The following RIN3 variants were observed in gnomAD, a reference collection of about 807,000 sequenced individuals.
The protein encoded by RIN3 is RAB5 interacting protein 3.
RIN3 carries 54 observed loss-of-function variants against 76.3 expected under a neutral mutation model. The ratio of observed to expected loss-of-function variants is 0.71; its 90% CI spans 0.57 to 0.89. The LOEUF (loss-of-function observed/expected upper bound fraction) is 0.89, where lower values mean the gene tolerates loss of function less well. Among genes scored for constraint, RIN3 ranks in the 40% least tolerant of loss-of-function variants. RIN3 has a pLI of 0.00. For synonymous variants in RIN3, 576 were observed against 564.0 expected, an observed-to-expected ratio of 1.02 and a Z score of -0.30; for missense variants, 1,256 against 1,322.1, an observed-to-expected ratio of 0.95 and a Z score of 0.78.
chr14:92,658,837 GT>G (rs767194709), intron 6 of RIN3, among the ~76,000 whole-genome samples: 2 of 152,212 alleles, frequency 1.3e-5, no homozygotes, highest in Non-Finnish European at 2.9e-5. Flanking sequence ...CAACTCCAGT[GT>G]GAGTAACACC....
intron 3 of RIN3, among the ~76,000 whole-genome samples, chr14:92,588,153 A>T (rs1396297067): frequency 6.8e-6 from 1 of 147,126 alleles, no homozygotes; most frequent in Admixed American, 6.8e-5. Context: ...TCATACCATC[A>T]TGTTGGCCAT....
chr14:92,567,834 T>C (rs538035467), intron 2 of RIN3, among the ~76,000 whole-genome samples: 2 of 152,190 alleles, frequency 1.3e-5, no homozygotes, highest in Non-Finnish European at 2.9e-5. Context: ...ATAGTTGTCA[T>C]TTATTTGTCT....
At chr14:92,554,353 G>C (rs1897519225) in intron 1 of RIN3, among the ~76,000 whole-genome samples, 2 of 152,148 alleles carry the variant, frequency 1.3e-5, no homozygotes, top group Admixed American at 6.5e-5. Flanking sequence ...AGTAGGCAGT[G>C]CTCATTTCCC....
At chr14:92,646,300 G>A (rs1413638530) in intron 5 of RIN3, among the ~76,000 whole-genome samples, 2 of 152,190 alleles carry the variant, frequency 1.3e-5, no homozygotes, top group African/African-American at 4.8e-5. Context: ...TTTTGCCAAG[G>A]AAGCCTGGAT....
Position 92,660,404 on chromosome 14 carries a change from T to C in RIN3, c.2335+935T>C, listed in dbSNP as rs1395445521. On this transcript the variant is annotated intron_variant, in intron 7 of 9. Transcript: ENST00000216487. ...TGGTTGGCTGTTGGCTGCTCTGGGA[T>C]GGCCTTGCCCACTTGCTGAGTGGTT... Among the ~76,000 whole-genome samples the C allele has an allele frequency of 8.6e-5, 13 of 151,370 alleles. No homozygotes were observed. The South Asian group carries it at 2.0e-3, about 23-fold the overall frequency.
intron 6 of RIN3, among the ~76,000 whole-genome samples, chr14:92,654,515 G>C (rs910441564): frequency 2.0e-5 from 3 of 152,144 alleles, no homozygotes; most frequent in Admixed American, 2.0e-4. Flanking sequence ...TAAAGGACAC[G>C]TGGGCCTCTG....
chr14:92,586,141 A>G (rs1010330375), intron 3 of RIN3, among the ~76,000 whole-genome samples: 1 of 152,226 alleles, frequency 6.6e-6, no homozygotes, highest in African/African-American at 2.4e-5. Context: ...GTGACTACTC[A>G]TAGGGGCTTG....
In RIN3 at chr14:92,652,416, C is replaced by G; in HGVS notation, c.1367C>G (p.Pro456Arg). The stretch of plus-strand genomic sequence containing the variant: ...GAGCTGCCCAGGACAGCCAAACAAC[C>G]CCCAGTCCCGCCCCCCAGGAAAAAA... ...MPELPRTAKQ[P>R]PVPPPRKKRI... is the part of the protein sequence containing the mutation. The change falls in exon 6 of 10, where the codon CCC becomes CGC. Residue 456 changes from proline (P) to arginine (R), a missense_variant. By Grantham distance (103) the Pro-to-Arg change is moderately radical. Around this residue, in one of 3 missense-constraint regions of RIN3, gnomAD observed 610 missense variants for 626.4 expected, o/e 0.97. Transcript: ENST00000216487. The surrounding 1 kb of genome is among the most constrained non-coding windows in gnomAD (Gnocchi z 6.4). The G allele has an allele frequency of 6.2e-7, 1 of 1,613,296 alleles. No individual in the cohort carries two copies.
At position 92,514,631 on chromosome 14, in the gene RIN3, G is replaced by A. The variant is rs1409816797; in HGVS notation, c.44+655G>A. ...AGGGCGCACGGGCTGCGCGCGGGCT[G>A]TGGATGCATGACGCCGAATGGTTTG... is the stretch of plus-strand genomic sequence containing the variant. On this transcript the variant is annotated intron_variant, in intron 1 of 9. Coordinates refer to ENST00000216487, the MANE Select transcript of RIN3 (RefSeq NM_024832.5). This position sits in a 1 kb window ranked among gnomAD's most constrained non-coding sequence, Gnocchi z 7.2. Among the ~76,000 whole-genome samples the A allele has an allele frequency of 6.6e-6, 1 of 152,262 alleles. No individual in the cohort carries two copies. The highest frequency in any genetic ancestry group is 1.5e-5 in the Non-Finnish European group (1 of 68,052).
At chr14:92,551,786 T>A (rs1212172582) in intron 1 of RIN3, among the ~76,000 whole-genome samples, 1 of 152,258 alleles carries the variant, frequency 6.6e-6, no homozygotes, top group African/African-American at 2.4e-5. Context: ...TTGCCCATTT[T>A]AAAAATTGAT....
At chr14:92,609,754 A>G (rs1207379317) in intron 3 of RIN3, among the ~76,000 whole-genome samples, 1 of 152,146 alleles carries the variant, frequency 6.6e-6, no homozygotes, top group Non-Finnish European at 1.5e-5. Flanking sequence ...GGCTTTAGAG[A>G]AAAATCTTGA....
intron 2 of RIN3, among the ~76,000 whole-genome samples, chr14:92,561,040 A>ATATATATATATATAT (rs1306892381): frequency 5.2e-4 from 8 of 15,430 alleles, no homozygotes; most frequent in Non-Finnish European, 7.8e-4. Context: ...AAAAAAAAAA[A>ATATATATATATATAT]AAAAATATAT....
chr14:92,571,411 T>C (rs1344216225), intron 2 of RIN3, among the ~76,000 whole-genome samples: 1 of 152,228 alleles, frequency 6.6e-6, no homozygotes, highest in Non-Finnish European at 1.5e-5. Context: ...GAAGTTGCAG[T>C]TGCAGGCAGT....
chr14:92,615,466 T>C lies in RIN3; in HGVS notation c.427T>C (p.Tyr143His). 6.2e-7 allele frequency: 1 copy of C among 1,614,064 alleles called. No individual in the cohort carries two copies. Among genetic ancestry groups the C allele is most frequent in the Non-Finnish European group, 8.5e-7 (1 of 1,179,926 alleles). The change falls in exon 4 of 10, where the codon TAC (tyrosine) becomes CAC (histidine). Residue 143 changes from tyrosine (Y) to histidine (H), a missense_variant. Physicochemically the swap from Tyr to His is moderately conservative, Grantham distance 83. Transcript: ENST00000216487. ...GGACATCTTCAGATTGATTGCGTTC[T>C]ACTGTGTCAGTAGGTGAGTAGACCC... ...FEDIFRLIAF[Y>H]CVSRDLLPFT... is the part of the protein sequence containing the mutation.
At position 92,676,601 on chromosome 14, in the gene RIN3, G is replaced by C; in HGVS notation, c.2462G>C (p.Gly821Ala). ...CTCATGGACCCCGCCCTGCAGCTGG[G>C]GGAGGGTGAGTCACCACCCCCTGCC... ...MELMDPALQL[G>A]EGSYYLTTTY... Residue 821 changes from glycine (G) to alanine (A), a missense_variant, in exon 8 of 10, where the codon GGG (glycine) becomes GCG (alanine). Physicochemically the swap from Gly to Ala is moderately conservative, Grantham distance 60. Coordinates refer to ENST00000216487, the MANE Select transcript of RIN3 (RefSeq NM_024832.5). 2 of 1,613,196 alleles carry C rather than the reference G, an allele frequency of 1.2e-6. No homozygotes were observed. The highest frequency in any genetic ancestry group is 3.3e-5 in the Admixed American group (2 of 59,990).
intron 1 of RIN3, among the ~76,000 whole-genome samples, chr14:92,523,839 C>T (rs1896658706): frequency 6.6e-6 from 1 of 152,196 alleles, no homozygotes; most frequent in South Asian, 2.1e-4. Flanking sequence ...GGTTAACCCT[C>T]CCCATGCCAG....
At chr14:92,581,368 C>T (rs904498772) in intron 3 of RIN3, among the ~76,000 whole-genome samples, 9 of 152,218 alleles carry the variant, frequency 5.9e-5, no homozygotes, top group African/African-American at 1.9e-4. Flanking sequence ...TTACCTACAA[C>T]TTTCGGAAAC....
intron 7 of RIN3, among the ~76,000 whole-genome samples, chr14:92,660,029 C>T (rs1020206998): frequency 6.6e-6 from 1 of 152,200 alleles, no homozygotes; most frequent in Non-Finnish European, 1.5e-5. Context: ...GGATTAGGGG[C>T]CCACCCCACT....
intron 7 of RIN3, among the ~76,000 whole-genome samples, chr14:92,665,529 C>T (rs1386544746): frequency 2.0e-5 from 3 of 151,926 alleles, no homozygotes; most frequent in African/African-American, 7.3e-5. Flanking sequence ...CAGGTGCCCA[C>T]CACCATGCCC....
Sources: allele counts gnomAD v4.1 joint callset (sites outside exome capture counted in the v4.1 genomes callset), GRCh38; gene constraint gnomAD v4.1.1; regional missense constraint gnomAD v4.1.1; non-coding constraint Gnocchi (gnomAD v3.1); transcripts MANE v1.5; gene names NCBI Gene and HGNC (gene_info 2026-07-23, HGNC 2026-07-21).